BRD10: variants seen among roughly 807,000 people sequenced by gnomAD.
The protein encoded by BRD10 is uncharacterized bromodomain-containing protein 10.
chr9:6,008,171 G>C, the BRD10 span: 1 of 972,144 alleles, frequency 1.0e-6, no homozygotes, highest in African/African-American at 1.8e-5. Context: ...CCAGCGGGGG[G>C]CTGGGAGGGG....
the BRD10 span, chr9:5,892,694 G>A: frequency 1.6e-6 from 1 of 642,996 alleles, no homozygotes; most frequent in Non-Finnish European, 2.5e-6. Context: ...ACAAGGGGAG[G>A]AGATTCTGTG....
the BRD10 span, among the ~76,000 whole-genome samples, chr9:5,928,149 T>C: frequency 6.6e-6 from 1 of 152,140 alleles, no homozygotes; most frequent in Non-Finnish European, 1.5e-5. Context: ...ATCTTTTTCA[T>C]TCCTCACTTT....
the BRD10 span, among the ~76,000 whole-genome samples, chr9:5,953,556 T>A: frequency 2.6e-5 from 4 of 152,072 alleles, no homozygotes; most frequent in Non-Finnish European, 5.9e-5. Context: ...TTTTCCAAGT[T>A]AATAAATCTA....
At chr9:6,007,509 C>T in the BRD10 span, 19 of 1,612,770 alleles carry the variant, frequency 1.2e-5, no homozygotes, top group Admixed American at 1.7e-5. Context: ...GGCCCCGGTG[C>T]TTCTCCTGCA....
At chr9:5,886,211 C>G in the BRD10 span, among the ~76,000 whole-genome samples, 1 of 152,178 alleles carries the variant, frequency 6.6e-6, no homozygotes, top group Non-Finnish European at 1.5e-5. Context: ...CTCCTGAGCA[C>G]TGTAAGCAGA....
the BRD10 span, among the ~76,000 whole-genome samples, chr9:5,927,106 G>A: frequency 6.6e-6 from 1 of 152,130 alleles, no homozygotes; most frequent in African/African-American, 2.4e-5. Flanking sequence ...AAATATCTAT[G>A]TGGGGATAGT....
At chr9:5,924,727 C>T in the BRD10 span, 1 of 1,604,684 alleles carries the variant, frequency 6.2e-7, no homozygotes, top group Admixed American at 1.7e-5. Flanking sequence ...CTGATTTCTC[C>T]CTTAGGAGAG....
At chr9:5,968,502 A>G in the BRD10 span, 2 of 1,611,950 alleles carry the variant, frequency 1.2e-6, no homozygotes, top group South Asian at 1.1e-5. Flanking sequence ...TTAATTTCAC[A>G]AGGCCTGCGA....
chr9:5,917,997 T>C, the BRD10 span, among the ~76,000 whole-genome samples: 1 of 152,342 alleles, frequency 6.6e-6, no homozygotes, highest in South Asian at 2.1e-4. Context: ...GTCATTTTGT[T>C]TTAAAAGCTG....
chr9:5,914,410 G>GT, the BRD10 span, among the ~76,000 whole-genome samples: 106 of 75,482 alleles, frequency 1.4e-3, 27 homozygotes, highest in African/African-American at 5.0e-3. Flanking sequence ...AATCCAGATG[G>GT]TTTTTTTTTT....
At chr9:5,942,911 T>C in the BRD10 span, among the ~76,000 whole-genome samples, 1 of 152,174 alleles carries the variant, frequency 6.6e-6, no homozygotes, top group Non-Finnish European at 1.5e-5. Context: ...AGGCTCTGGT[T>C]CTGTTGCCCA....
At chr9:5,899,530 T>G in the BRD10 span, among the ~76,000 whole-genome samples, 2 of 152,162 alleles carry the variant, frequency 1.3e-5, no homozygotes, top group Non-Finnish European at 2.9e-5. Context: ...TTGATGAATC[T>G]GAACAAGACT....
chr9:5,991,054 A>C, the BRD10 span, among the ~76,000 whole-genome samples: 2 of 152,222 alleles, frequency 1.3e-5, no homozygotes, highest in African/African-American at 4.8e-5. Flanking sequence ...AAGTATATGT[A>C]TATGTATTCA....
the BRD10 span, among the ~76,000 whole-genome samples, chr9:5,901,179 AT>A: frequency 9.9e-5 from 15 of 151,066 alleles, no homozygotes; most frequent in African/African-American, 1.9e-4. Flanking sequence ...GGGCAGTTTT[AT>A]TTTTTTTTCC....
the BRD10 span, among the ~76,000 whole-genome samples, chr9:5,917,841 G>A: frequency 6.6e-6 from 1 of 152,152 alleles, no homozygotes; most frequent in Admixed American, 6.5e-5. Flanking sequence ...CAACAGAGAA[G>A]ACCCCGTCTC....
At chr9:5,994,764 G>T in the BRD10 span, among the ~76,000 whole-genome samples, 1 of 152,074 alleles carries the variant, frequency 6.6e-6, no homozygotes, top group African/African-American at 2.4e-5. Flanking sequence ...GAGCAGGGTA[G>T]AAAAAATAAT....
At chr9:5,911,702 T>A in the BRD10 span, among the ~76,000 whole-genome samples, 1 of 152,034 alleles carries the variant, frequency 6.6e-6, no homozygotes, top group African/African-American at 2.4e-5. Context: ...GCCCAGCTAA[T>A]TTTTGTATTT....
At chr9:5,911,505 TC>T in the BRD10 span, among the ~76,000 whole-genome samples, 1 of 151,542 alleles carries the variant, frequency 6.6e-6, no homozygotes, top group South Asian at 2.1e-4. Flanking sequence ...CCAGTTTTGT[TC>T]TTTTTGCTTA....
At chr9:5,937,804 A>G in the BRD10 span, among the ~76,000 whole-genome samples, 7 of 152,244 alleles carry the variant, frequency 4.6e-5, no homozygotes, top group Admixed American at 1.3e-4. Context: ...CTGTAAACCA[A>G]AGTTAAAATC....
Sources: allele counts gnomAD v4.1 joint callset (sites outside exome capture counted in the v4.1 genomes callset), GRCh38; gene constraint gnomAD v4.1.1; transcripts MANE v1.5; gene names NCBI Gene and HGNC (gene_info 2026-07-23, HGNC 2026-07-21).